Variants in PDE10A observed in about 807,000 individuals in gnomAD.
PDE10A encodes the protein phosphodiesterase 10A.
A neutral mutation model predicts 97.7 loss-of-function variants in PDE10A; 39 were observed. The observed-to-expected ratio is 0.40, with a 90% CI of 0.31 to 0.52. The LOEUF (loss-of-function observed/expected upper bound fraction) is 0.52, where lower values mean the gene tolerates loss of function less well. Ranked by LOEUF, PDE10A falls within the 20% of genes least tolerant of loss-of-function variation. The pLI, the probability that PDE10A is intolerant of heterozygous loss-of-function variation, is 0.56. For synonymous variants in PDE10A, 371 were observed against 376.8 expected, an observed-to-expected ratio of 0.98 and a Z score of 0.18; for missense variants, 731 against 1,047.8, an observed-to-expected ratio of 0.70 and a Z score of 4.17.
At chr6:165,478,930 GC>G (rs1346067706) in intron 3 of PDE10A, among the ~76,000 whole-genome samples, 1 of 152,020 alleles carries the variant, frequency 6.6e-6, no homozygotes, top group Non-Finnish European at 1.5e-5. Context: ...ATGCTACCTG[GC>G]CCCCATGCTT....
chr6:165,436,163 G>T (rs1461092385), intron 5 of PDE10A, among the ~76,000 whole-genome samples: 2 of 152,018 alleles, frequency 1.3e-5, no homozygotes, highest in African/African-American at 4.8e-5. Flanking sequence ...TACAAAATTT[G>T]AAAATATAAA....
intron 21 of PDE10A, 101 bp from the exon 22 acceptor site, chr6:165,333,228 C>A (rs758978972): frequency 6.6e-6 from 5 of 755,912 alleles, no homozygotes; most frequent in Non-Finnish European, 9.3e-6. Flanking sequence ...CTCTGCACAA[C>A]GGCATTGTGT....
At chr6:165,586,833 T>C in intron 1 of PDE10A, among the ~76,000 whole-genome samples, 1 of 152,204 alleles carries the variant, frequency 6.6e-6, no homozygotes, top group East Asian at 1.9e-4. Context: ...CTCGGTAATG[T>C]TATCTACAGC....
intron 1 of PDE10A, among the ~76,000 whole-genome samples, chr6:165,917,332 T>G (rs1442811629): frequency 6.6e-6 from 1 of 152,054 alleles, no homozygotes; most frequent in Non-Finnish European, 1.5e-5. Context: ...ATGGCTGACT[T>G]AGAGCAATTA....
At chr6:165,596,546 T>C (rs900380824) in intron 1 of PDE10A, among the ~76,000 whole-genome samples, 1 of 152,210 alleles carries the variant, frequency 6.6e-6, no homozygotes, top group South Asian at 2.1e-4. Flanking sequence ...CTGGGCAACA[T>C]AGCAAGACCC....
chr6:165,756,117 A>C (rs1038274355), intron 1 of PDE10A, among the ~76,000 whole-genome samples: 1 of 152,232 alleles, frequency 6.6e-6, no homozygotes, highest in African/African-American at 2.4e-5. Flanking sequence ...ATTAATTTGC[A>C]GAATTATTTC....
At chr6:165,633,894 T>C (rs1788751122) in intron 1 of PDE10A, among the ~76,000 whole-genome samples, 1 of 152,136 alleles carries the variant, frequency 6.6e-6, no homozygotes, top group South Asian at 2.1e-4. Flanking sequence ...TATTTTTCCA[T>C]AATAGATATT....
intron 1 of PDE10A, among the ~76,000 whole-genome samples, chr6:165,722,605 C>G (rs1053906192): frequency 6.6e-6 from 1 of 152,210 alleles, no homozygotes; most frequent in African/African-American, 2.4e-5. Flanking sequence ...AGCGTGCTCT[C>G]TATCTCTCTC....
At chr6:165,678,187 G>GTA (rs1790866459) in intron 1 of PDE10A, among the ~76,000 whole-genome samples, 7 of 3,438 alleles carry the variant, frequency 2.0e-3, no homozygotes, top group East Asian at 6.4e-3. Context: ...GTCCATGTGT[G>GTA]TCTGTGTATG....
intron 1 of PDE10A, among the ~76,000 whole-genome samples, chr6:165,549,103 C>T (rs1438728240): frequency 6.6e-6 from 1 of 152,110 alleles, no homozygotes; most frequent in African/African-American, 2.4e-5. Flanking sequence ...TATGAGATAT[C>T]TTAGGTTCCT....
At chr6:165,716,980 T>C (rs1582984843) in intron 1 of PDE10A, among the ~76,000 whole-genome samples, 2 of 152,208 alleles carry the variant, frequency 1.3e-5, no homozygotes, top group East Asian at 3.9e-4. Flanking sequence ...GTGTCCCTAT[T>C]AAACACTAAT....
intron 1 of PDE10A, among the ~76,000 whole-genome samples, chr6:165,656,721 G>A (rs1390242726): frequency 6.6e-6 from 1 of 152,162 alleles, no homozygotes; most frequent in Non-Finnish European, 1.5e-5. Context: ...GTCCTTCCCA[G>A]GCTTCTCGCA....
At chr6:165,389,694 G>A (rs1171622376) in intron 16 of PDE10A, among the ~76,000 whole-genome samples, 1 of 152,154 alleles carries the variant, frequency 6.6e-6, no homozygotes, top group Admixed American at 6.5e-5. Context: ...CTCACGGCCT[G>A]GAGATAGGCC....
chr6:165,765,941 A>T (rs1277082453), intron 1 of PDE10A, among the ~76,000 whole-genome samples: 1 of 152,226 alleles, frequency 6.6e-6, no homozygotes, highest in Non-Finnish European at 1.5e-5. Context: ...AAAACTTTCC[A>T]TTTCTAGCTT....
intron 1 of PDE10A, among the ~76,000 whole-genome samples, chr6:165,771,654 T>TAAAAAAAAAAAAAAA (rs35902541): frequency 9.4e-6 from 1 of 106,334 alleles, no homozygotes; most frequent in Non-Finnish European, 2.0e-5. Context: ...TTTAACAAGA[T>TAAAAAAAAAAAAAAA]AAAAAAAAAA....
At chr6:165,869,426 A>T (rs1781140308) in intron 1 of PDE10A, among the ~76,000 whole-genome samples, 1 of 152,096 alleles carries the variant, frequency 6.6e-6, no homozygotes, top group South Asian at 2.1e-4. Flanking sequence ...ACTACAAAAC[A>T]CTGATGAAAG....
At chr6:165,950,081 C>A (rs1005892322) in intron 1 of PDE10A, among the ~76,000 whole-genome samples, 2 of 152,302 alleles carry the variant, frequency 1.3e-5, no homozygotes, top group Admixed American at 1.3e-4. Context: ...CCTGATTAAG[C>A]TGACTGCTTT....
At chr6:165,370,375 T>C (rs13198261) in intron 18 of PDE10A, among the ~76,000 whole-genome samples, 1 of 146,466 alleles carries the variant, frequency 6.8e-6, no homozygotes, top group African/African-American at 2.6e-5. Flanking sequence ...AATAAAAGGA[T>C]GGAGGAAGAT....
intron 1 of PDE10A, among the ~76,000 whole-genome samples, chr6:165,647,170 C>A (rs995751404): frequency 3.3e-5 from 5 of 152,190 alleles, no homozygotes; most frequent in Admixed American, 2.0e-4. Context: ...GACCAACAAT[C>A]TACAAAAGTC....
Sources: allele counts gnomAD v4.1 joint callset (sites outside exome capture counted in the v4.1 genomes callset), GRCh38; gene constraint gnomAD v4.1.1; transcripts MANE v1.5; gene names NCBI Gene and HGNC (gene_info 2026-07-23, HGNC 2026-07-21).